The following COL3A1 variants were observed in gnomAD, a reference collection of about 807,000 sequenced individuals.
COL3A1 encodes collagen type III alpha 1 chain.
Under a neutral mutation model 200.9 loss-of-function variants are expected in COL3A1, and 46 were observed. The observed-to-expected ratio is 0.23, with a 90% CI of 0.18 to 0.29. The LOEUF is 0.29. Among genes scored for constraint, COL3A1 ranks in the 10% least tolerant of loss-of-function variants. The probability of loss-of-function intolerance (pLI) is 1.00; values close to 1 mark genes in which losing one functional copy is unlikely to be tolerated. For missense variants in COL3A1, 1,367 were observed against 1,917.6 expected (o/e 0.71, Z 5.36); for synonymous variants, 650 against 628.0 (o/e 1.03, Z -0.52).
At chr2:189,007,864 G>A (rs1306620201) in intron 45 of COL3A1, 21 bp from the exon 46 acceptor site, 1 of 1,613,560 alleles carries the variant, frequency 6.2e-7, no homozygotes, top group Middle Eastern at 1.8e-4. Context: ...TCACTCCTAT[G>A]TACACTTCCT....
Position 188,997,299 on chromosome 2 carries a change from G to A in COL3A1, c.1816-37G>A, listed in dbSNP as rs540883128. The A allele has an allele frequency of 1.9e-6, 3 of 1,613,040 alleles. No individual in the cohort carries two copies. In the African/African-American group the frequency reaches 4.0e-5, roughly 22 times the overall value. On this transcript the variant is annotated intron_variant, in intron 25 of 50. Transcript: ENST00000304636. ...ACCTTCTGACTTCTCTCTGTAATCT[G>A]TATTATTTCTACTTCCCTAACTGTT...
rs146492493 is a variant in COL3A1, at chr2:188,999,496, T to C, written c.2148T>C (p.Pro716=). The C allele has an allele frequency of 5.6e-6, 9 of 1,614,018 alleles. No individual in the cohort carries two copies. The African/African-American group carries it at 1.1e-4, about 19-fold the overall frequency. ...GTGCTGCTGGTCCTCCTGGGCCACC[T>C]GGTGCTGCTGGTACTCCTGGTCTGC... ...GKGAAGPPGP[P]GAAGTPGLQG... The change falls in exon 31 of 51, where the codon CCT becomes CCC. Residue 716 remains proline (P), a synonymous_variant. Transcript: ENST00000304636.
At position 189,004,260 on chromosome 2, in the gene COL3A1, G is replaced by C; in HGVS notation, c.2827G>C (p.Ala943Pro). 6.2e-7 allele frequency: 1 copy of C among 1,602,306 alleles called. No individual in the cohort carries two copies. The highest frequency in any genetic ancestry group is 8.5e-7 in the Non-Finnish European group (1 of 1,174,432). The change falls in exon 40 of 51, where the codon GCT (alanine) becomes CCT (proline). Residue 943 changes from alanine to proline, a missense_variant. Around this residue, in one of 5 missense-constraint regions of COL3A1, gnomAD observed 846 missense variants for 1,147.9 expected, o/e 0.74. Transcript: ENST00000304636. ...GSPGAQGPPG[A>P]PGPLGIAGIT... ...AAGTCTTCATTATCTGTATTAGGGAGCTCCAGGCCCACTTGGGATTGCTGG... is the reference window on the plus strand; with the variant it reads ...AAGTCTTCATTATCTGTATTAGGGACCTCCAGGCCCACTTGGGATTGCTGG...
At chr2:188,989,491 C>G (rs1390032999) in intron 8 of COL3A1, 42 bp downstream of exon 8, 3 of 1,432,360 alleles carry the variant, frequency 2.1e-6, no homozygotes, top group Admixed American at 3.4e-5. Context: ...CAAAATTTAA[C>G]TTGGTGTATT....
intron 40 of COL3A1, 113 bp from the exon 41 acceptor site, chr2:189,005,237 C>A: frequency 2.0e-6 from 2 of 989,780 alleles, no homozygotes; most frequent in South Asian, 1.4e-5. Context: ...TTTTAAAATT[C>A]AATGAAGATT....
chr2:188,991,012 T>C lies in COL3A1; in HGVS notation c.807T>C (p.Asp269=). ...FPGMKGHRGF[D]GRNGEKGETG... ...TTTTATACATTTCCTAGGGCTTCGA[T>C]GGACGAAATGGAGAAAAGGGTGAAA... is the stretch of plus-strand genomic sequence containing the variant. The change falls in exon 11 of 51, where the codon GAT becomes GAC. Residue 269 remains aspartate (D), a synonymous_variant. Transcript: ENST00000304636. 6.2e-7 allele frequency: 1 copy of C among 1,613,316 alleles called. No homozygotes were observed. The highest frequency in any genetic ancestry group is 8.5e-7 in the Non-Finnish European group (1 of 1,179,512).
At chr2:188,991,600 G>A (rs955291534) in intron 12 of COL3A1, 69 bp downstream of exon 12, 1 of 1,606,268 alleles carries the variant, frequency 6.2e-7, no homozygotes, top group African/African-American at 1.3e-5. Context: ...AACTGGCTTT[G>A]CTCCCACCCC....
At position 189,007,936 on chromosome 2, in the gene COL3A1, A is replaced by C; in HGVS notation, c.3415A>C (p.Arg1139=). 1 of 1,614,130 alleles carries C rather than the reference A, an allele frequency of 6.2e-7. No individual in the cohort carries two copies. Among genetic ancestry groups the C allele is most frequent in the Non-Finnish European group, 8.5e-7 (1 of 1,180,028 alleles). ...AIGSPGPAGP[R]GPVGPSGPPG... The stretch of plus-strand genomic sequence containing the variant: ...CGGCAGTCCAGGACCTGCAGGCCCC[A>C]GAGTAAGTAGCACAGAAAGATATTA... The change falls in exon 46 of 51, where the codon AGA becomes CGA. Residue 1139 remains arginine, a splice_region_variant and synonymous_variant. Coordinates refer to ENST00000304636, the MANE Select transcript of COL3A1 (RefSeq NM_000090.4).
intron 14 of COL3A1, 103 bp from the exon 15 acceptor site, chr2:188,992,784 G>A (rs1240642359): frequency 3.3e-6 from 3 of 900,626 alleles, no homozygotes; most frequent in Middle Eastern, 2.2e-4. Context: ...ATTTTTATCT[G>A]CATAAATATC....
intron 24 of COL3A1, 75 bp downstream of exon 24, chr2:188,996,571 G>C: frequency 8.0e-7 from 1 of 1,243,770 alleles, no homozygotes; most frequent in Non-Finnish European, 1.2e-6. Context: ...GTAAAGAAAT[G>C]GTCAAAACTC....
chr2:188,997,294 A>G, intron 25 of COL3A1, 42 bp from the exon 26 acceptor site: 1 of 1,612,730 alleles, frequency 6.2e-7, no homozygotes, highest in Non-Finnish European at 8.5e-7. Context: ...TTCTCTCTGT[A>G]ATCTGTATTA....
chr2:189,007,821 G>T, intron 45 of COL3A1, 64 bp from the exon 46 acceptor site: 1 of 1,570,512 alleles, frequency 6.4e-7, no homozygotes, highest in South Asian at 1.1e-5. Flanking sequence ...ATCTGATCTT[G>T]AATGTACAGT....
In COL3A1 at chr2:188,997,197, C is replaced by T; in HGVS notation, c.1794C>T (p.Gly598=). 1.9e-6 allele frequency: 3 copies of T among 1,613,980 alleles called. No individual in the cohort carries two copies. Among genetic ancestry groups the T allele is most frequent in the Non-Finnish European group, 2.5e-6 (3 of 1,180,002 alleles). Residue 598 remains glycine (G), a synonymous_variant, in exon 25 of 51, where the codon GGC becomes GGT. Coordinates refer to ENST00000304636, the MANE Select transcript of COL3A1 (RefSeq NM_000090.4). The part of the protein sequence containing the change: ...GAPGKNGERG[G]PGGPGPQGPP... ...CTGGTAAGAATGGAGAACGAGGTGGCCCTGGAGGACCTGGCCCTCAGGTAC... is the reference window on the plus strand; with the variant it reads ...CTGGTAAGAATGGAGAACGAGGTGGTCCTGGAGGACCTGGCCCTCAGGTAC...
At position 188,987,089 on chromosome 2, in the gene COL3A1, G is replaced by A. The variant is rs1688079104; in HGVS notation, c.478G>A (p.Val160Ile). The change falls in exon 5 of 51, where the codon GTC (valine) becomes ATC (isoleucine). Residue 160 changes from valine (V) to isoleucine (I), a missense_variant. Transcript: ENST00000304636. The part of the protein sequence containing the change: ...NYSPQYDSYD[V>I]KSGVAVGGLA... The stretch of plus-strand genomic sequence containing the variant: ...TTCTCCCCAGTATGATTCATATGAT[G>A]TCAAGTCTGGAGTAGCAGTAGGAGG... 6.2e-7 allele frequency: 1 copy of A among 1,612,968 alleles called. No individual in the cohort carries two copies. The highest frequency in any genetic ancestry group is 8.5e-7 in the Non-Finnish European group (1 of 1,179,208).
chr2:189,006,158 T>G, intron 41 of COL3A1, 48 bp from the exon 42 acceptor site: 1 of 1,591,592 alleles, frequency 6.3e-7, no homozygotes, highest in African/African-American at 1.3e-5. Context: ...TGAAATGGCA[T>G]TTGGAAGGTT....
intron 1 of COL3A1, among the ~76,000 whole-genome samples, chr2:188,977,588 CAT>C (rs1258534003): frequency 6.6e-6 from 1 of 152,060 alleles, no homozygotes; most frequent in Non-Finnish European, 1.5e-5. Context: ...TAGTTGCTCA[CAT>C]ATCTCAGTGT....
chr2:188,979,211 C>T (rs959910442), intron 1 of COL3A1, among the ~76,000 whole-genome samples: 1 of 151,844 alleles, frequency 6.6e-6, no homozygotes, highest in Non-Finnish European at 1.5e-5. Flanking sequence ...AACTGTTTTT[C>T]TATAGTATTT....
chr2:189,000,801 A>G (rs1426183477), intron 32 of COL3A1, among the ~76,000 whole-genome samples: 1 of 152,208 alleles, frequency 6.6e-6, no homozygotes, highest in African/African-American at 2.4e-5. Flanking sequence ...AATTCAAACT[A>G]AAAGTCAAAA....
intron 44 of COL3A1, 24 bp downstream of exon 44, chr2:189,007,014 T>A: frequency 6.2e-7 from 1 of 1,604,974 alleles, no homozygotes; most frequent in African/African-American, 1.3e-5. Context: ...TTTTTTGGTT[T>A]TATTTTGTTT....
Sources: allele counts gnomAD v4.1 joint callset (sites outside exome capture counted in the v4.1 genomes callset), GRCh38; gene constraint gnomAD v4.1.1; regional missense constraint gnomAD v4.1.1; transcripts MANE v1.5; gene names NCBI Gene and HGNC (gene_info 2026-07-23, HGNC 2026-07-21).